ATP8B4: variants seen among roughly 807,000 people sequenced by gnomAD.
The protein encoded by ATP8B4 is ATPase phospholipid transporting 8B4 (putative), also known as probable phospholipid-transporting ATPase IM.
A neutral mutation model predicts 145.6 loss-of-function variants in ATP8B4; 133 were observed. The ratio of observed to expected loss-of-function variants is 0.91; its 90% CI spans 0.79 to 1.05. ATP8B4 has a LOEUF of 1.05. ATP8B4 is among the 50% of genes least tolerant of loss of function. The pLI is 0.00. For missense variants in ATP8B4, 1,458 were observed against 1,425.2 expected, an observed-to-expected ratio of 1.02 and a Z score of -0.37; for synonymous variants, 507 against 492.9, an observed-to-expected ratio of 1.03 and a Z score of -0.38.
chr15:49,923,319 A>T, intron 17 of ATP8B4, 60 bp downstream of exon 17: 9 of 1,180,042 alleles, frequency 7.6e-6, no homozygotes, highest in Non-Finnish European at 1.1e-5. Context: ...TTTAAACAAG[A>T]CCTAACCATA....
intron 3 of ATP8B4, among the ~76,000 whole-genome samples, chr15:50,055,556 T>A (rs2052534569): frequency 1.3e-5 from 2 of 152,084 alleles, no homozygotes; most frequent in Non-Finnish European, 2.9e-5. Context: ...CAAATCATCA[T>A]CCCACATTTG....
At chr15:50,086,735 C>A (rs2055140575) in intron 2 of ATP8B4, among the ~76,000 whole-genome samples, 1 of 53,564 alleles carries the variant, frequency 1.9e-5, no homozygotes, top group Non-Finnish European at 2.8e-5. Flanking sequence ...ATATAGAGAT[C>A]TATATTTATT....
At chr15:49,936,980 T>C (rs562182418) in intron 14 of ATP8B4, among the ~76,000 whole-genome samples, 1 of 152,022 alleles carries the variant, frequency 6.6e-6, no homozygotes, top group Non-Finnish European at 1.5e-5. Context: ...CTCCAGAGCA[T>C]CTTGTTCTTG....
chr15:49,940,288 T>C (rs149986647), intron 14 of ATP8B4, among the ~76,000 whole-genome samples: 67 of 152,186 alleles, frequency 4.4e-4, no homozygotes, highest in African/African-American at 1.4e-3. Flanking sequence ...AGCAAACTAA[T>C]GTAAGAGCAC....
chr15:50,160,038 T>TTTTTTTTTTTTTG (rs2044492829), intron 1 of ATP8B4, among the ~76,000 whole-genome samples: 2 of 143,558 alleles, frequency 1.4e-5, no homozygotes, highest in African/African-American at 5.1e-5. Flanking sequence ...TTTTTTTTTT[T>TTTTTTTTTTTTTG]GCTGGGAGAC....
intron 1 of ATP8B4, among the ~76,000 whole-genome samples, chr15:50,108,064 G>T (rs2056768671): frequency 6.6e-6 from 1 of 152,046 alleles, no homozygotes; most frequent in South Asian, 2.1e-4. Flanking sequence ...CAAGGACATA[G>T]GGGTGTCGCT....
rs190547572 is a variant in ATP8B4 at position 50,174,329 on chromosome 15, A to C, written c.-43+7932T>G. ...CGAGAGAAAGAAATATAGAGCATCC[A>C]AATCGGTAAAGAGGAAGGCAAACTG... On this transcript the variant is annotated intron_variant, in intron 1 of 3. Transcript: ENST00000558829. Among the ~76,000 whole-genome samples, 199 of 152,282 alleles carry C rather than the reference A, an allele frequency of 1.3e-3. 1 individual carries two copies. Among genetic ancestry groups the C allele is most frequent in the African/African-American group, 4.5e-3 (189 of 41,540 alleles).
intron 5 of ATP8B4, among the ~76,000 whole-genome samples, chr15:50,042,165 A>AC (rs1346958622): frequency 6.6e-6 from 1 of 151,978 alleles, no homozygotes; most frequent in African/African-American, 2.4e-5. Context: ...AAAAAAAAAA[A>AC]AAAAAACTAA....
intron 25 of ATP8B4, among the ~76,000 whole-genome samples, chr15:49,874,735 A>G (rs1481576614): frequency 6.6e-6 from 1 of 152,184 alleles, no homozygotes. Flanking sequence ...ACAAGAAGTC[A>G]CTTGAAGCTT....
At chr15:49,886,421 G>A (rs1168875597) in intron 23 of ATP8B4, among the ~76,000 whole-genome samples, 1 of 152,132 alleles carries the variant, frequency 6.6e-6, no homozygotes, top group African/African-American at 2.4e-5. Context: ...AGGATGGGGG[G>A]AGCATGCAGG....
intron 5 of ATP8B4, among the ~76,000 whole-genome samples, chr15:50,041,080 A>C (rs1600003750): frequency 6.6e-6 from 1 of 152,312 alleles, no homozygotes; most frequent in East Asian, 1.9e-4. Flanking sequence ...TCTTTCTCCA[A>C]AGCCAATATT....
At chr15:49,967,882 A>G (rs1264209654) in intron 13 of ATP8B4, among the ~76,000 whole-genome samples, 1 of 152,220 alleles carries the variant, frequency 6.6e-6, no homozygotes, top group African/African-American at 2.4e-5. Context: ...GAAAAAGGTC[A>G]GGTTACCCAC....
chr15:49,913,515 A>G (rs933369700), intron 20 of ATP8B4, among the ~76,000 whole-genome samples: 5 of 152,148 alleles, frequency 3.3e-5, no homozygotes, highest in African/African-American at 9.7e-5. Context: ...TGAAATTCCT[A>G]GTCAGAGCAA....
chr15:49,937,265 G>C (rs1333769039), intron 14 of ATP8B4, among the ~76,000 whole-genome samples: 1 of 152,138 alleles, frequency 6.6e-6, no homozygotes, highest in Non-Finnish European at 1.5e-5. Flanking sequence ...GTGAATGAGA[G>C]AGAAGGTGGT....
intron 24 of ATP8B4, among the ~76,000 whole-genome samples, chr15:49,878,916 C>T (rs1031853972): frequency 4.6e-5 from 7 of 152,172 alleles, no homozygotes; most frequent in Non-Finnish European, 1.0e-4. Flanking sequence ...TCCAACCTAG[C>T]CCCATGATTT....
chr15:50,010,060 T>C (rs1567192355), intron 7 of ATP8B4, among the ~76,000 whole-genome samples: 1 of 152,294 alleles, frequency 6.6e-6, no homozygotes, highest in East Asian at 1.9e-4. Context: ...TAAATAACTC[T>C]TGGGGCCATA....
intron 2 of ATP8B4, among the ~76,000 whole-genome samples, chr15:50,078,704 C>T (rs942361007): frequency 1.3e-5 from 2 of 151,936 alleles, no homozygotes; most frequent in Middle Eastern, 3.4e-3. Context: ...AACCCACAAA[C>T]CTTCATAAAA....
At chr15:49,965,392 T>C (rs2044434146) in intron 13 of ATP8B4, among the ~76,000 whole-genome samples, 1 of 152,188 alleles carries the variant, frequency 6.6e-6, no homozygotes, top group African/African-American at 2.4e-5. Flanking sequence ...CTCCTGAGAT[T>C]TCTGTATTGA....
chr15:49,945,894 T>C (rs540529169), intron 14 of ATP8B4, among the ~76,000 whole-genome samples: 2 of 152,176 alleles, frequency 1.3e-5, no homozygotes, highest in Non-Finnish European at 2.9e-5. Context: ...GATAACATCA[T>C]ACTCAATGTC....
Sources: allele counts gnomAD v4.1 joint callset (sites outside exome capture counted in the v4.1 genomes callset), GRCh38; gene constraint gnomAD v4.1.1; transcripts MANE v1.5; gene names NCBI Gene and HGNC (gene_info 2026-07-23, HGNC 2026-07-21).